The following TUSC3 variants were observed in gnomAD, a reference collection of about 807,000 sequenced individuals.
The protein encoded by TUSC3 is dolichyl-diphosphooligosaccharide--protein glycosyltransferase subunit TUSC3.
In TUSC3, 45 loss-of-function variants were observed where a neutral mutation model predicts 44.8. The ratio of observed to expected loss-of-function variants is 1.00; its 90% confidence interval spans 0.79 to 1.29. The LOEUF is 1.29. TUSC3 is among the 50% of genes most tolerant of loss of function. The probability of loss-of-function intolerance (pLI) is 0.00; values close to 1 mark genes in which losing one functional copy is unlikely to be tolerated. For missense variants in TUSC3, 519 were observed against 437.9 expected (o/e 1.19, Z -1.65); for synonymous variants, 212 against 152.9 (o/e 1.39, Z -2.85).
At chr8:15,631,479 G>C (rs935627614) in intron 2 of TUSC3, among the ~76,000 whole-genome samples, 1 of 152,070 alleles carries the variant, frequency 6.6e-6, no homozygotes, top group Non-Finnish European at 1.5e-5. Context: ...AACTAGTACA[G>C]TGGACACCTG....
chr8:15,726,754 C>T (rs1585272188), intron 6 of TUSC3, among the ~76,000 whole-genome samples: 2 of 151,962 alleles, frequency 1.3e-5, no homozygotes, highest in South Asian at 2.1e-4. Flanking sequence ...TGCAGTGAGC[C>T]GAGATCATGC....
chr8:15,669,361 A>T (rs1231311035), intron 5 of TUSC3, among the ~76,000 whole-genome samples: 1 of 151,776 alleles, frequency 6.6e-6, no homozygotes, highest in South Asian at 2.1e-4. Context: ...CTTTTCTGTG[A>T]ATAAAAAAAG....
At chr8:15,643,565 G>A (rs1000381905) in intron 2 of TUSC3, among the ~76,000 whole-genome samples, 1 of 152,068 alleles carries the variant, frequency 6.6e-6, no homozygotes, top group Non-Finnish European at 1.5e-5. Flanking sequence ...TGTTTTCCAA[G>A]GAAAGATCTA....
chr8:15,455,484 T>G (rs1800243264), intron 1 of TUSC3, among the ~76,000 whole-genome samples: 2 of 152,122 alleles, frequency 1.3e-5, no homozygotes, highest in African/African-American at 4.8e-5. Flanking sequence ...TGTATATATG[T>G]GTACATACCT....
chr8:15,737,552 C>T (rs1208690101), intron 7 of TUSC3, among the ~76,000 whole-genome samples: 1 of 151,954 alleles, frequency 6.6e-6, no homozygotes, highest in Non-Finnish European at 1.5e-5. Context: ...ATATATATTG[C>T]CATGATATTA....
At chr8:15,713,837 T>G (rs982257700) in intron 6 of TUSC3, among the ~76,000 whole-genome samples, 1 of 152,126 alleles carries the variant, frequency 6.6e-6, no homozygotes, top group Admixed American at 6.6e-5. Flanking sequence ...TAGGCATTTT[T>G]GGGAGGGACT....
At chr8:15,443,290 T>A (rs1800044702) in intron 1 of TUSC3, among the ~76,000 whole-genome samples, 1 of 151,338 alleles carries the variant, frequency 6.6e-6, no homozygotes, top group South Asian at 2.1e-4. Context: ...CACCTCAGCC[T>A]ATGAAATAGC....
chr8:15,798,598 A>G, the TUSC3 span, among the ~76,000 whole-genome samples: 3 of 151,920 alleles, frequency 2.0e-5, no homozygotes, highest in Non-Finnish European at 4.4e-5. Context: ...CTTTGGTTCA[A>G]CCAAAGGAAC....
chr8:15,541,997 T>A (rs1801708026), intron 1 of TUSC3, among the ~76,000 whole-genome samples: 1 of 142,256 alleles, frequency 7.0e-6, no homozygotes, highest in Non-Finnish European at 1.6e-5. Flanking sequence ...CTGACCTTAA[T>A]CAATTTTTTT....
chr8:15,661,537 A>G (rs1464195691), intron 4 of TUSC3, among the ~76,000 whole-genome samples: 1 of 151,980 alleles, frequency 6.6e-6, no homozygotes, highest in Non-Finnish European at 1.5e-5. Flanking sequence ...TCACCTCTAT[A>G]GGCACGTAAT....
At chr8:15,635,245 C>T (rs1168575409) in intron 2 of TUSC3, among the ~76,000 whole-genome samples, 1 of 152,030 alleles carries the variant, frequency 6.6e-6, no homozygotes, top group Non-Finnish European at 1.5e-5. Flanking sequence ...AGGAAGCAGC[C>T]AAGAAGAGAT....
At chr8:15,668,985 A>G (rs909513810) in intron 5 of TUSC3, among the ~76,000 whole-genome samples, 1 of 151,702 alleles carries the variant, frequency 6.6e-6, no homozygotes, top group African/African-American at 2.4e-5. Context: ...AGAGTAGAGT[A>G]TTTTGCAATC....
At chr8:15,600,931 A>C (rs528711322) in intron 1 of TUSC3, among the ~76,000 whole-genome samples, 1 of 151,742 alleles carries the variant, frequency 6.6e-6, no homozygotes, top group Non-Finnish European at 1.5e-5. Context: ...TGGAGAGCCA[A>C]TGTGTTCAGA....
At chr8:15,757,759 A>ATCT (rs758812544) in intron 9 of TUSC3, 32 bp from the exon 10 acceptor site, 1 of 1,474,264 alleles carries the variant, frequency 6.8e-7, no homozygotes, top group Admixed American at 1.7e-5. Flanking sequence ...TTTTTTCCAT[A>ATCT]TTGTTGTATT....
intron 6 of TUSC3, among the ~76,000 whole-genome samples, chr8:15,692,157 T>A (rs553934308): frequency 1.3e-5 from 2 of 152,300 alleles, no homozygotes; most frequent in South Asian, 4.1e-4. Context: ...CAACATTGCA[T>A]ACCAGGGATA....
intron 2 of TUSC3, among the ~76,000 whole-genome samples, chr8:15,533,124 G>A (rs896806932): frequency 2.0e-5 from 3 of 152,096 alleles, no homozygotes; most frequent in African/African-American, 7.2e-5. Context: ...GAGTTTCCCT[G>A]TACCAGTTCT....
chr8:15,750,698 C>G (rs1397659251), intron 9 of TUSC3, among the ~76,000 whole-genome samples: 1 of 152,016 alleles, frequency 6.6e-6, no homozygotes. Context: ...CACATCTGAA[C>G]CAGCATACAT....
chr8:15,711,315 T>C (rs1809840252), intron 6 of TUSC3, among the ~76,000 whole-genome samples: 2 of 151,954 alleles, frequency 1.3e-5, no homozygotes, highest in South Asian at 4.1e-4. Flanking sequence ...TAGAAGATTC[T>C]GCTCTTTTTT....
chr8:15,555,801 G>A (rs1326775430), intron 1 of TUSC3, among the ~76,000 whole-genome samples: 1 of 151,330 alleles, frequency 6.6e-6, no homozygotes, highest in Non-Finnish European at 1.5e-5. Flanking sequence ...GGAGGCTTTT[G>A]TTTAGAAGTA....
Sources: allele counts gnomAD v4.1 joint callset (sites outside exome capture counted in the v4.1 genomes callset), GRCh38; gene constraint gnomAD v4.1.1; transcripts MANE v1.5; gene names NCBI Gene and HGNC (gene_info 2026-07-23, HGNC 2026-07-21).